The following FANCD2 variants were observed in gnomAD, a reference collection of about 807,000 sequenced individuals.
FANCD2 encodes Fanconi anemia group D2 protein.
In FANCD2, 131 loss-of-function variants were observed where a neutral mutation model predicts 192.3. That is an observed-to-expected ratio of 0.68 (90% CI 0.59 to 0.79). The LOEUF (loss-of-function observed/expected upper bound fraction) is 0.79. FANCD2 is among the 30% of genes least tolerant of loss of function. FANCD2 has a pLI of 0.00. For synonymous variants in FANCD2, 524 were observed against 612.5 expected, an observed-to-expected ratio of 0.86 and a Z score of 2.13; for missense variants, 1,508 against 1,701.6, an observed-to-expected ratio of 0.89 and a Z score of 2.00.
Position 10,034,521 on chromosome 3 carries a change from C to G in FANCD2, c.258C>G (p.His86Gln). 6.2e-7 allele frequency: 1 copy of G among 1,610,402 alleles called. No homozygotes were observed. Among genetic ancestry groups the G allele is most frequent in the Non-Finnish European group, 8.5e-7 (1 of 1,176,700 alleles). ...AGCTCTTTCAGACCCTGAGGAGACACCCTTCCTATCCCAAAGTATGTATTT... is the reference window on the plus strand; with the variant it reads ...AGCTCTTTCAGACCCTGAGGAGACAGCCTTCCTATCCCAAAGTATGTATTT... ...QKKLFQTLRR[H>Q]PSYPKIIEEF... Residue 86 changes from histidine to glutamine, a missense_variant, in exon 4 of 44, where the codon CAC becomes CAG. Physicochemically the swap from His to Gln is conservative, Grantham distance 24. Around this residue, in one of 5 missense-constraint regions of FANCD2, gnomAD observed 435 missense variants for 421.9 expected, o/e 1.03. Transcript: ENST00000675286.
chr3:10,063,771 C>T (rs747421602), intron 20 of FANCD2, 21 bp from the exon 21 acceptor site: 1 of 1,614,068 alleles, frequency 6.2e-7, no homozygotes, highest in South Asian at 1.1e-5. Context: ...AGGTTTAAAC[C>T]ATTCTTCCTC....
Position 10,070,498 on chromosome 3 carries a change from G to A in FANCD2, c.2495-2373G>A, listed in dbSNP as rs1487562481. Among the ~76,000 whole-genome samples the A allele has an allele frequency of 4.4e-5, 4 of 90,518 alleles. No individual in the cohort carries two copies. The South Asian group carries it at 1.4e-3, about 32-fold the overall frequency. The allele number at this position is 90,518 out of a possible 152,430, so 59.4% of individuals were successfully genotyped here. ...CCGGGCCAGCCTCCCGGTCCGGGAG[G>A]GAGGTGGGGGGGGTCAGCCCCCTGT... On this transcript the variant is annotated intron_variant, in intron 26 of 43. Transcript: ENST00000675286.
chr3:10,051,413 AG>A (rs56295307), intron 17 of FANCD2, among the ~76,000 whole-genome samples: 16,838 of 35,796 alleles, frequency 0.47, 5,230 homozygotes, highest in Admixed American at 0.55. Context: ...AAAAACAAAA[AG>A]GAGTGAGGGA....
intron 28 of FANCD2, 144 bp downstream of exon 28, chr3:10,073,506 T>A (rs1460919298): frequency 4.0e-6 from 3 of 756,740 alleles, no homozygotes; most frequent in Admixed American, 4.0e-5. Flanking sequence ...AGTAATCTCC[T>A]TAGTAGCAAA....
chr3:10,086,350 G>C (rs921598717), intron 33 of FANCD2, among the ~76,000 whole-genome samples: 12 of 152,156 alleles, frequency 7.9e-5, no homozygotes, highest in African/African-American at 2.9e-4. Context: ...GAGGTGACAT[G>C]ATCTCAGGGG....
At chr3:10,069,294 G>T (rs1330242293) in intron 26 of FANCD2, among the ~76,000 whole-genome samples, 1 of 151,714 alleles carries the variant, frequency 6.6e-6, no homozygotes, top group Non-Finnish European at 1.5e-5. Context: ...ATAAAGATAG[G>T]AAAAAAAATT....
At position 10,072,982 on chromosome 3, in the gene FANCD2, G is replaced by GT. The variant is rs2125048104; in HGVS notation, c.2605+2dup. 1 of 1,488,968 alleles carries GT rather than the reference G, an allele frequency of 6.7e-7. No homozygotes were observed. Among genetic ancestry groups the GT allele is most frequent in the Admixed American group, 1.7e-5 (1 of 59,834 alleles). 92.2% of individuals were successfully genotyped at this position (1,488,968 alleles called of 1,614,324 possible). ...AAAATCAGAAAGAAAGGAAAAATAG[G>GT]TAAGTATGTTCTTTTCCTCTTGTCT... On this transcript the variant is annotated splice_donor_variant, in intron 27 of 43. Coordinates refer to ENST00000675286, the MANE Select transcript of FANCD2 (RefSeq NM_001018115.3). LOFTEE classifies it high-confidence loss of function.
chr3:10,037,008 G>A (rs893236046), intron 7 of FANCD2, among the ~76,000 whole-genome samples: 2 of 135,212 alleles, frequency 1.5e-5, no homozygotes, highest in East Asian at 2.0e-4. Flanking sequence ...GCTAATTTTC[G>A]TGGTTTTTTT....
intron 32 of FANCD2, among the ~76,000 whole-genome samples, chr3:10,085,238 C>G (rs1219643839): frequency 1.3e-5 from 2 of 151,916 alleles, no homozygotes; most frequent in African/African-American, 2.4e-5. Context: ...GGTGGCTCAC[C>G]CCTGTGAAAA....
chr3:10,049,366 C>T lies in FANCD2; in HGVS notation c.1414-8C>T, dbSNP rs886038373. 6.2e-7 allele frequency: 1 copy of T among 1,605,116 alleles called. No individual in the cohort carries two copies. Among genetic ancestry groups the T allele is most frequent in the South Asian group, 1.1e-5 (1 of 90,780 alleles). On this transcript the variant is annotated splice_polypyrimidine_tract_variant and splice_region_variant and intron_variant, in intron 16 of 43. Coordinates refer to ENST00000675286, the MANE Select transcript of FANCD2 (RefSeq NM_001018115.3). ...TTTACACTGTTCTGTTGACTCTCCC[C>T]TGTATAGGAAGTGGTTGGTGCCTTA...
At chr3:10,046,214 C>T (rs1486315170) in intron 14 of FANCD2, among the ~76,000 whole-genome samples, 1 of 152,034 alleles carries the variant, frequency 6.6e-6, no homozygotes, top group South Asian at 2.1e-4. Flanking sequence ...CTGCCACACC[C>T]GGCTAATTTT....
chr3:10,053,297 A>G (rs1273493400), intron 18 of FANCD2, among the ~76,000 whole-genome samples: 2 of 151,194 alleles, frequency 1.3e-5, no homozygotes. Context: ...CGCACACCGC[A>G]TATTCTCAGT....
intron 31 of FANCD2, 41 bp downstream of exon 31, chr3:10,081,269 G>T (rs1351460270): frequency 1.3e-5 from 21 of 1,613,476 alleles, no homozygotes; most frequent in Non-Finnish European, 1.5e-5. Flanking sequence ...CAAATATGAG[G>T]TTTCATTTTT....
intron 9 of FANCD2, chr3:10,040,189 C>G (rs2086831444): frequency 5.6e-6 from 2 of 360,098 alleles, no homozygotes; most frequent in East Asian, 6.0e-5. Flanking sequence ...CACCTGCTAC[C>G]ATGCCCGACT....
At chr3:10,042,315 G>A (rs1167322790) in intron 10 of FANCD2, among the ~76,000 whole-genome samples, 1 of 152,044 alleles carries the variant, frequency 6.6e-6, no homozygotes, top group East Asian at 1.9e-4. Flanking sequence ...GAGAATTTAG[G>A]CTCTAAATGT....
Position 10,081,472 on chromosome 3 carries a change from T to C in FANCD2, c.3224+8T>C, listed in dbSNP as rs1412513898. On this transcript the variant is annotated splice_region_variant and intron_variant, in intron 32 of 43. Transcript: ENST00000675286. ...TCATGGGCTTTTTGCTTGGTAAGTA[T>C]GTGGGAAGTGTGGAGAGAACTGAGT... 1.3e-6 allele frequency: 2 copies of C among 1,558,214 alleles called. No homozygotes were observed. The highest frequency in any genetic ancestry group is 2.7e-5 in the African/African-American group (2 of 73,862).
chr3:10,043,956 C>T (rs1017419123), intron 14 of FANCD2, 92 bp downstream of exon 14: 10 of 1,056,808 alleles, frequency 9.5e-6, no homozygotes, highest in African/African-American at 4.7e-5. Context: ...CTTTCTCCCC[C>T]CTCCAGTCAC....
At chr3:10,040,008 A>G (rs991169345) in intron 9 of FANCD2, 163 bp downstream of exon 9, 12 of 661,684 alleles carry the variant, frequency 1.8e-5, no homozygotes, top group Non-Finnish European at 2.7e-5. Context: ...AAAAAGGTAT[A>G]TATTTGAATA....
Position 10,088,536 on chromosome 3 carries a change from T to G in FANCD2, c.3554T>G (p.Leu1185Arg). ...SNISNDQLHALLCIYLEHTES... is the reference protein window; with the variant it reads ...SNISNDQLHARLCIYLEHTES... ...ATCTCTAATGACCAGCTCCATGCTCTGCTCTGGTGAGATGTTTGGTTTCTT... is the reference window on the plus strand; with the variant it reads ...ATCTCTAATGACCAGCTCCATGCTCGGCTCTGGTGAGATGTTTGGTTTCTT... The change falls in exon 35 of 44, where the codon CTG becomes CGG. Residue 1185 changes from leucine to arginine, a missense_variant. Transcript: ENST00000675286. The G allele has an allele frequency of 6.3e-7, 1 of 1,599,118 alleles. No individual in the cohort carries two copies. Among genetic ancestry groups the G allele is most frequent in the Non-Finnish European group, 8.6e-7 (1 of 1,166,274 alleles).
Sources: gnomAD v4.1 joint callset for allele counts (sites outside exome capture counted in the v4.1 genomes callset) on GRCh38, gnomAD v4.1.1 for gene constraint, gnomAD v4.1.1 regional missense constraint, MANE v1.5 for transcripts, NCBI Gene and HGNC (gene_info 2026-07-23, HGNC 2026-07-21) for gene names.